PRIM2: variants seen among roughly 807,000 people sequenced by gnomAD.
PRIM2 encodes DNA primase subunit 2.
PRIM2 carries 39 observed loss-of-function variants against 67.3 expected under a neutral mutation model. The observed-to-expected ratio is 0.58, with a 90% CI of 0.45 to 0.76. The LOEUF (loss-of-function observed/expected upper bound fraction) is 0.76, where lower values mean the gene tolerates loss of function less well. PRIM2 is among the 30% of genes least tolerant of loss of function. The pLI is 0.00. For missense variants in PRIM2, 398 were observed against 598.7 expected (o/e 0.66, Z 3.50); for synonymous variants, 143 against 198.7 (o/e 0.72, Z 2.36).
intron 7 of PRIM2, among the ~76,000 whole-genome samples, chr6:57,395,947 A>T (rs566708042): frequency 6.6e-6 from 1 of 152,222 alleles, no homozygotes; most frequent in African/African-American, 2.4e-5. Context: ...TTTAATTTCT[A>T]TGTATTTGCA....
chr6:57,274,924 G>A, the PRIM2 span, among the ~76,000 whole-genome samples: 2 of 149,852 alleles, frequency 1.3e-5, no homozygotes, highest in Admixed American at 6.6e-5. Flanking sequence ...CTACAGGCAC[G>A]TGCCTCAACA....
chr6:57,589,988 G>A (rs1356867249), intron 10 of PRIM2, among the ~76,000 whole-genome samples: 1 of 152,114 alleles, frequency 6.6e-6, no homozygotes, highest in Non-Finnish European at 1.5e-5. Flanking sequence ...CCAGCCAAGA[G>A]CCAGGCTCAG....
intron 6 of PRIM2, among the ~76,000 whole-genome samples, chr6:57,381,807 G>A (rs1769967364): frequency 1.3e-5 from 2 of 152,150 alleles, no homozygotes; most frequent in Non-Finnish European, 2.9e-5. Context: ...TGGCCTTTTA[G>A]TGTTACTATT....
chr6:57,591,464 A>G (rs2127488565), intron 10 of PRIM2, among the ~76,000 whole-genome samples: 1 of 152,280 alleles, frequency 6.6e-6, no homozygotes, highest in Non-Finnish European at 1.5e-5. Flanking sequence ...ACCTACTTCT[A>G]ATGATTTTGG....
chr6:57,330,482 C>T (rs559788987), intron 5 of PRIM2, among the ~76,000 whole-genome samples: 16 of 150,816 alleles, frequency 1.1e-4, no homozygotes, highest in Middle Eastern at 6.9e-3. Flanking sequence ...AGCCTCCCGC[C>T]GGCCACCACA....
chr6:57,637,565 C>G (rs1483602437), intron 13 of PRIM2, among the ~76,000 whole-genome samples: 2 of 151,986 alleles, frequency 1.3e-5, no homozygotes, highest in Non-Finnish European at 2.9e-5. Context: ...ACATAAATGA[C>G]CTGATGGAAC....
chr6:57,478,845 G>T (rs1322958732), intron 7 of PRIM2, among the ~76,000 whole-genome samples: 3 of 152,162 alleles, frequency 2.0e-5, no homozygotes, highest in Non-Finnish European at 4.4e-5. Context: ...CGATACTCTG[G>T]TTAAAGATTT....
At chr6:57,441,081 G>A (rs1482867029) in intron 7 of PRIM2, among the ~76,000 whole-genome samples, 5 of 152,180 alleles carry the variant, frequency 3.3e-5, no homozygotes, top group African/African-American at 1.2e-4. Flanking sequence ...CATTTAATAA[G>A]AGTCAGTGAC....
Position 57,503,967 on chromosome 6 carries a change from A to G in PRIM2, c.694-3420A>G, listed in dbSNP as rs1554347100. ...AAAAAATTTGGGAATCTTGAAGACT[A>G]AAAATCTGTGAGGTAAAGTGAATCT... On this transcript the variant is annotated intron_variant, in intron 7 of 13. Coordinates refer to ENST00000615550, the MANE Select transcript of PRIM2 (RefSeq NM_000947.5). Among the ~76,000 whole-genome samples the G allele has an allele frequency of 3.0e-3, 451 of 152,326 alleles. 3 individuals are homozygous for G. The highest frequency in any genetic ancestry group is 0.01 in the African/African-American group (417 of 41,574).
intron 7 of PRIM2, among the ~76,000 whole-genome samples, chr6:57,500,097 G>A (rs1554346721): frequency 3.3e-5 from 5 of 152,142 alleles, no homozygotes; most frequent in African/African-American, 1.2e-4. Flanking sequence ...CTATCTGCAT[G>A]TCCTCTCCAT....
chr6:57,535,373 C>T (rs1407703764), intron 9 of PRIM2, among the ~76,000 whole-genome samples: 5 of 152,180 alleles, frequency 3.3e-5, no homozygotes, highest in African/African-American at 4.8e-5. Context: ...CTCCCTGTCA[C>T]AGTGCTTCTG....
At chr6:57,295,769 A>G in the PRIM2 span, among the ~76,000 whole-genome samples, 322 of 152,292 alleles carry the variant, frequency 2.1e-3, 2 homozygotes, top group African/African-American at 7.5e-3. Flanking sequence ...CTCATTTACA[A>G]AATTGAATGT....
chr6:57,362,239 A>G (rs921722111), intron 5 of PRIM2, among the ~76,000 whole-genome samples: 2 of 152,244 alleles, frequency 1.3e-5, no homozygotes, highest in African/African-American at 2.4e-5. Flanking sequence ...TCTACCATCC[A>G]TATGAATTTG....
chr6:57,392,586 T>C (rs1770388760), intron 7 of PRIM2, among the ~76,000 whole-genome samples: 1 of 151,812 alleles, frequency 6.6e-6, no homozygotes, highest in African/African-American at 2.4e-5. Flanking sequence ...GTCATAGTTT[T>C]CATGGAATAG....
chr6:57,639,790 A>G (rs1290797913), intron 13 of PRIM2, among the ~76,000 whole-genome samples: 1 of 151,838 alleles, frequency 6.6e-6, no homozygotes, highest in African/African-American at 2.4e-5. Flanking sequence ...TTCACAGACA[A>G]ATTCCACCAG....
the PRIM2 span, among the ~76,000 whole-genome samples, chr6:57,231,193 C>T: frequency 6.6e-6 from 1 of 152,162 alleles, no homozygotes; most frequent in Non-Finnish European, 1.5e-5. Flanking sequence ...TCTTTTCCAT[C>T]CATATGTGAG....
At chr6:57,290,165 C>G in the PRIM2 span, among the ~76,000 whole-genome samples, 5 of 151,124 alleles carry the variant, frequency 3.3e-5, no homozygotes, top group Admixed American at 1.3e-4. Context: ...ATCTTAGTCT[C>G]TGATAAAACA....
chr6:57,335,643 C>G (rs10949019), intron 5 of PRIM2, among the ~76,000 whole-genome samples: 62,693 of 151,950 alleles, frequency 0.41, 13,672 homozygotes, highest in South Asian at 0.56. Flanking sequence ...AGACCTGCAG[C>G]TGAGGGTCCT....
upstream of PRIM2, among the ~76,000 whole-genome samples, chr6:57,316,370 C>G (rs1767483449): frequency 6.6e-6 from 1 of 152,136 alleles, no homozygotes; most frequent in South Asian, 2.1e-4. Context: ...CAAGATCGCT[C>G]CACTGCACTC....
Sources: allele counts gnomAD v4.1 joint callset (sites outside exome capture counted in the v4.1 genomes callset), GRCh38; gene constraint gnomAD v4.1.1; transcripts MANE v1.5; gene names NCBI Gene and HGNC (gene_info 2026-07-23, HGNC 2026-07-21).